Variants in CD109 observed in about 807,000 individuals in gnomAD.
The protein encoded by CD109 is CD109 molecule.
In CD109, 149 loss-of-function variants were observed where a neutral mutation model predicts 165.8. The observed-to-expected ratio is 0.90, with a 90% CI of 0.79 to 1.03. The LOEUF is 1.03. Ranked by LOEUF, CD109 falls within the 50% of genes least tolerant of loss-of-function variation. The pLI is 0.00. For synonymous variants in CD109, 585 were observed against 592.1 expected, an observed-to-expected ratio of 0.99 and a Z score of 0.18; for missense variants, 1,712 against 1,677.8, an observed-to-expected ratio of 1.02 and a Z score of -0.36.
At chr6:73,737,458 A>C (rs916278172) in intron 5 of CD109, among the ~76,000 whole-genome samples, 16 of 102,394 alleles carry the variant, frequency 1.6e-4, no homozygotes, top group Non-Finnish European at 1.9e-5. Flanking sequence ...AAGGTAGCAG[A>C]AGCTCTACCG....
chr6:73,686,537 T>C, the CD109 span, among the ~76,000 whole-genome samples: 3 of 152,212 alleles, frequency 2.0e-5, no homozygotes, highest in African/African-American at 2.4e-5. Context: ...ATATAGTATC[T>C]GAATATCTCC....
chr6:73,745,098 TTTTA>T (rs904693780), intron 5 of CD109, among the ~76,000 whole-genome samples: 33 of 152,102 alleles, frequency 2.2e-4, no homozygotes, highest in Non-Finnish European at 4.0e-4. Context: ...GCAATTGCTG[TTTTA>T]TTTATTTATT....
At chr6:73,717,134 G>T (rs546098601) in intron 2 of CD109, among the ~76,000 whole-genome samples, 2 of 151,966 alleles carry the variant, frequency 1.3e-5, no homozygotes, top group East Asian at 1.9e-4. Flanking sequence ...TCCATTGGTC[G>T]TGTGTCTGTT....
intron 5 of CD109, among the ~76,000 whole-genome samples, chr6:73,754,489 G>T (rs1773309546): frequency 6.6e-6 from 1 of 152,174 alleles, no homozygotes; most frequent in African/African-American, 2.4e-5. Flanking sequence ...CAATGTAGGA[G>T]GCAGAGGGGA....
Position 73,749,239 on chromosome 6 carries a change from T to A in CD109, c.634-7404T>A, listed in dbSNP as rs567400104. ...TAGGAGTCCTAAGACCTGGGTACTG[T>A]GCTCTAGTTAAGTGATGGTGGGCAT... On this transcript the variant is annotated intron_variant, in intron 5 of 32. Coordinates refer to ENST00000287097, the MANE Select transcript of CD109 (RefSeq NM_133493.5). 8.4e-4 allele frequency among the ~76,000 whole-genome samples: 128 copies of A among 152,304 alleles called. 1 individual carries two copies. The highest frequency in any genetic ancestry group is 1.5e-4 in the Non-Finnish European group (10 of 68,026).
In CD109 at chr6:73,810,143, G is replaced by T. The variant is rs868227741; in HGVS notation, c.3515G>T (p.Arg1172Ile). 7 of 1,603,858 alleles carry T rather than the reference G, an allele frequency of 4.4e-6. No homozygotes were observed. Among genetic ancestry groups the T allele is most frequent in the East Asian group, 4.5e-5 (2 of 44,212 alleles). ...ATTATGAGGTGGCTAAGCAGGCAAAGAAATAGCTTGGGTGGTTTTGCATCT... is the reference window on the plus strand; with the variant it reads ...ATTATGAGGTGGCTAAGCAGGCAAATAAATAGCTTGGGTGGTTTTGCATCT... ...IPIMRWLSRQ[R>I]NSLGGFASTQ... The change falls in exon 27 of 33, where the codon AGA (arginine) becomes ATA (isoleucine). Residue 1172 changes from arginine (R) to isoleucine (I), a missense_variant. By Grantham distance (97) the Arg-to-Ile change is moderately conservative (BLOSUM62 -3). Coordinates refer to ENST00000287097, the MANE Select transcript of CD109 (RefSeq NM_133493.5).
At chr6:73,767,085 C>A in intron 13 of CD109, 75 bp downstream of exon 13, 1 of 1,300,550 alleles carries the variant, frequency 7.7e-7, no homozygotes, top group Non-Finnish European at 1.1e-6. Context: ...TTCTGGGGTA[C>A]ATGTGCAGGT....
intron 2 of CD109, among the ~76,000 whole-genome samples, chr6:73,722,361 GA>G (rs1260309882): frequency 2.0e-5 from 3 of 152,132 alleles, no homozygotes; most frequent in Non-Finnish European, 4.4e-5. Context: ...TCTTATGGAT[GA>G]AAAAAATTGA....
At position 73,771,574 on chromosome 6, in the gene CD109, T is replaced by A; in HGVS notation, c.1820T>A (p.Met607Lys). The A allele has an allele frequency of 6.4e-7, 1 of 1,557,312 alleles. No individual in the cohort carries two copies. Among genetic ancestry groups the A allele is most frequent in the Non-Finnish European group, 8.7e-7 (1 of 1,155,712 alleles). Residue 607 changes from methionine (M) to lysine (K), a missense_variant, in exon 15 of 33, where the codon ATG becomes AAG. Met to Lys is a moderately conservative substitution (Grantham distance 95). Transcript: ENST00000287097. Reference sequence around the variant, plus strand: ...ATGAATGCCTCTAATGATATTACAATGGAAAATGTGAGTTTAGCTATTTTT... The same window carrying A: ...ATGAATGCCTCTAATGATATTACAAAGGAAAATGTGAGTTTAGCTATTTTT... ...NLMNASNDITMENVVHELELY... is the reference protein window; with the variant it reads ...NLMNASNDITKENVVHELELY...
At position 73,766,168 on chromosome 6, in the gene CD109, C is replaced by T. The variant is rs763598621; in HGVS notation, c.1332+14C>T. The T allele has an allele frequency of 5.0e-6, 8 of 1,595,186 alleles. No homozygotes were observed. In the Admixed American group the frequency reaches 1.0e-4, roughly 20 times the overall value. ...CTACAGTTGAAGGTGCCGTCTGTTT[C>T]CCATCATTGTGTCACTGCAACAACA... On this transcript the variant is annotated intron_variant, in intron 11 of 32. Coordinates refer to ENST00000287097, the MANE Select transcript of CD109 (RefSeq NM_133493.5).
In CD109 at chr6:73,826,308, T is replaced by G. The variant is rs564492086; in HGVS notation, c.*2675T>G. ...AATATTAAAAAACTCATTTTACCAT[T>G]AAGATTCCTTATGCTGAAGCTCTTC... On this transcript the variant is annotated 3_prime_UTR_variant, in exon 33 of 33. Transcript: ENST00000287097. 1.3e-5 allele frequency: 2 copies of G among 152,348 alleles called. No homozygotes were observed. The highest frequency in any genetic ancestry group is 2.9e-5 in the Non-Finnish European group (2 of 68,032). The allele number at this position is 152,348 out of a possible 1,614,324, so 9.4% of individuals were successfully genotyped here.
intron 9 of CD109, among the ~76,000 whole-genome samples, chr6:73,763,136 C>G (rs1250242165): frequency 6.6e-6 from 1 of 152,138 alleles, no homozygotes; most frequent in Non-Finnish European, 1.5e-5. Context: ...ACTCTTTCCC[C>G]CTGAAAACTA....
chr6:73,787,335 G>C lies in CD109; in HGVS notation c.2439G>C (p.Glu813Asp), dbSNP rs1366573287. The change falls in exon 21 of 33, where the codon GAG becomes GAC. Residue 813 changes from glutamate to aspartate, a missense_variant. Glu to Asp is a conservative substitution (Grantham distance 45, BLOSUM62 2). Coordinates refer to ENST00000287097, the MANE Select transcript of CD109 (RefSeq NM_133493.5). ...AGCAGACCCTTCTGGTTCCCAGTGA[G>C]GATGGGGCAACTGTTCTTTTTCCCA... ...GHQQTLLVPS[E>D]DGATVLFPIR... The C allele has an allele frequency of 1.2e-6, 2 of 1,613,860 alleles. No homozygotes were observed. Among genetic ancestry groups the C allele is most frequent in the Non-Finnish European group, 1.7e-6 (2 of 1,179,868 alleles).
intron 4 of CD109, among the ~76,000 whole-genome samples, chr6:73,731,459 G>T (rs149710627): frequency 2.2e-3 from 328 of 152,342 alleles, no homozygotes; most frequent in Non-Finnish European, 3.4e-3. Flanking sequence ...CTTGTTTGGC[G>T]CATTGGAGGA....
intron 2 of CD109, 148 bp downstream of exon 2, chr6:73,697,720 A>C: frequency 1.7e-6 from 1 of 595,356 alleles, no homozygotes; most frequent in Middle Eastern, 4.8e-4. Flanking sequence ...GTAAAGTCCT[A>C]GATGGTGTTC....
chr6:73,732,015 C>T (rs920706860), intron 4 of CD109, among the ~76,000 whole-genome samples: 2 of 152,186 alleles, frequency 1.3e-5, no homozygotes, highest in Non-Finnish European at 2.9e-5. Context: ...AAGTTGAAGA[C>T]AACTGAGATC....
chr6:73,811,929 T>C (rs1320307492), intron 28 of CD109, among the ~76,000 whole-genome samples: 1 of 152,194 alleles, frequency 6.6e-6, no homozygotes, highest in East Asian at 1.9e-4. Flanking sequence ...TTGTCTTTTA[T>C]GCTTCAGCCC....
At chr6:73,762,717 A>G (rs754306739) in intron 8 of CD109, 24 bp from the exon 9 acceptor site, 1 of 1,568,416 alleles carries the variant, frequency 6.4e-7, no homozygotes, top group Non-Finnish European at 8.7e-7. Context: ...ATGGTAAATA[A>G]TACTGAACTT....
At chr6:73,780,342 TAA>T (rs1165679945) in intron 15 of CD109, 80 bp from the exon 16 acceptor site, 4 of 843,502 alleles carry the variant, frequency 4.7e-6, no homozygotes, top group Non-Finnish European at 6.2e-6. Flanking sequence ...ACATGAAGGC[TAA>T]GTCTTATCTA....
Sources: allele counts gnomAD v4.1 joint callset (sites outside exome capture counted in the v4.1 genomes callset), GRCh38; gene constraint gnomAD v4.1.1; transcripts MANE v1.5; gene names NCBI Gene and HGNC (gene_info 2026-07-23, HGNC 2026-07-21).